The following GOLPH3 variants were observed in gnomAD, a reference collection of about 807,000 sequenced individuals.
GOLPH3 encodes golgi phosphoprotein 3, also known as coat protein GPP34.
In GOLPH3, 14 loss-of-function variants were observed where a neutral mutation model predicts 28.5. The ratio of observed to expected loss-of-function variants is 0.49; its 90% CI spans 0.32 to 0.77. The LOEUF (loss-of-function observed/expected upper bound fraction) is 0.77, where lower values mean the gene tolerates loss of function less well. GOLPH3 is among the 30% of genes least tolerant of loss of function. The pLI is 0.03. For missense variants in GOLPH3, 350 were observed against 393.7 expected, an observed-to-expected ratio of 0.89 and a Z score of 0.94; for synonymous variants, 158 against 159.2, an observed-to-expected ratio of 0.99 and a Z score of 0.06.
chr5:32,169,212 G>A (rs943132086), intron 1 of GOLPH3, among the ~76,000 whole-genome samples: 12 of 151,998 alleles, frequency 7.9e-5, no homozygotes, highest in Non-Finnish European at 1.5e-4. Flanking sequence ...AGCCCAAGAG[G>A]TTGAGGCTGC....
At chr5:32,143,630 T>C (rs567088497) in intron 2 of GOLPH3, 119 bp downstream of exon 2, 24 of 878,350 alleles carry the variant, frequency 2.7e-5, no homozygotes, top group South Asian at 1.7e-4. Flanking sequence ...GGAAATACAA[T>C]TGAAGAAAGA....
At chr5:32,149,382 T>C (rs1313140396) in intron 1 of GOLPH3, among the ~76,000 whole-genome samples, 1 of 152,216 alleles carries the variant, frequency 6.6e-6, no homozygotes, top group Non-Finnish European at 1.5e-5. Context: ...AGGTAATGGC[T>C]AAAGGGGATG....
chr5:32,152,877 G>A (rs916468389), intron 1 of GOLPH3, among the ~76,000 whole-genome samples: 2 of 152,012 alleles, frequency 1.3e-5, no homozygotes, highest in Admixed American at 6.6e-5. Context: ...TAACTATGAT[G>A]GGAATGTCAA....
At chr5:32,158,023 T>TAAAATACAC (rs377527601) in intron 1 of GOLPH3, among the ~76,000 whole-genome samples, 335 of 26,746 alleles carry the variant, frequency 0.013, 34 homozygotes, top group African/African-American at 0.044. Context: ...ATAAATAAAA[T>TAAAATACAC]ACACACACAC....
intron 3 of GOLPH3, among the ~76,000 whole-genome samples, chr5:32,134,013 G>C (rs146026427): frequency 2.4e-4 from 37 of 152,264 alleles, no homozygotes; most frequent in Non-Finnish European, 1.9e-4. Context: ...CTTGCCTTAA[G>C]TGTAAAGTGC....
rs1176766281 is a variant in GOLPH3 at position 32,126,464 on chromosome 5, C to T, written c.645G>A (p.Lys215=). ...TNNNIKQRLI[K]KVQEAVLDKW... is the part of the protein sequence containing the mutation. ...TGTCAAGAACGGCTTCCTGTACTTT[C>T]TTGATGAGGCGCTGCTTAATGTTGT... Residue 215 remains lysine, a synonymous_variant, in exon 4 of 4, where the codon AAG becomes AAA. Transcript: ENST00000265070. The T allele has an allele frequency of 6.2e-7, 1 of 1,614,068 alleles. No homozygotes were observed. The highest frequency in any genetic ancestry group is 1.3e-5 in the African/African-American group (1 of 74,902).
intron 1 of GOLPH3, among the ~76,000 whole-genome samples, chr5:32,147,117 C>T (rs2111862910): frequency 6.6e-6 from 1 of 152,270 alleles, no homozygotes; most frequent in East Asian, 1.9e-4. Flanking sequence ...TGTTCACATC[C>T]TTTGACACAA....
intron 1 of GOLPH3, among the ~76,000 whole-genome samples, chr5:32,166,138 C>G (rs1231697423): frequency 2.0e-5 from 3 of 152,194 alleles, no homozygotes; most frequent in African/African-American, 4.8e-5. Flanking sequence ...AATTTAAGAA[C>G]TTCTCCATTA....
At chr5:32,156,040 A>G (rs1048301760) in intron 1 of GOLPH3, among the ~76,000 whole-genome samples, 1 of 149,816 alleles carries the variant, frequency 6.7e-6, no homozygotes, top group African/African-American at 2.4e-5. Flanking sequence ...TAAGTCATGA[A>G]GGCAGAAGCC....
At chr5:32,172,534 A>C (rs1746861552) in intron 1 of GOLPH3, among the ~76,000 whole-genome samples, 1 of 152,084 alleles carries the variant, frequency 6.6e-6, no homozygotes, top group African/African-American at 2.4e-5. Context: ...GTCTCTACTA[A>C]AGGTATGAAA....
At chr5:32,129,900 G>C (rs1365446325) in intron 3 of GOLPH3, among the ~76,000 whole-genome samples, 1 of 151,794 alleles carries the variant, frequency 6.6e-6, no homozygotes, top group East Asian at 1.9e-4. Flanking sequence ...GGAGTGCGGT[G>C]GTGTGATCAG....
chr5:32,150,917 A>G (rs1746290025), intron 1 of GOLPH3, among the ~76,000 whole-genome samples: 1 of 152,256 alleles, frequency 6.6e-6, no homozygotes, highest in African/African-American at 2.4e-5. Flanking sequence ...TGGGACAACC[A>G]GATAGTCATT....
intron 2 of GOLPH3, among the ~76,000 whole-genome samples, chr5:32,143,311 T>C (rs1048440638): frequency 6.6e-6 from 1 of 151,436 alleles, no homozygotes; most frequent in Non-Finnish European, 1.5e-5. Flanking sequence ...ACACAAACAC[T>C]GCGGAAGGCC....
At chr5:32,144,131 A>G (rs1216598086) in intron 1 of GOLPH3, among the ~76,000 whole-genome samples, 1 of 152,170 alleles carries the variant, frequency 6.6e-6, no homozygotes, top group Non-Finnish European at 1.5e-5. Context: ...TAGAAACATA[A>G]CTCACATTTC....
chr5:32,167,819 T>C (rs561125973), intron 1 of GOLPH3, among the ~76,000 whole-genome samples: 3 of 152,052 alleles, frequency 2.0e-5, no homozygotes, highest in Admixed American at 1.3e-4. Flanking sequence ...CTGGGCATGA[T>C]AGGGTGCGCC....
chr5:32,135,737 T>C (rs1431610624), intron 2 of GOLPH3, 51 bp from the exon 3 acceptor site: 7 of 1,030,554 alleles, frequency 6.8e-6, no homozygotes, highest in East Asian at 2.4e-5. Flanking sequence ...CTTTTCTGAG[T>C]TGATCTCATT....
At chr5:32,166,944 G>A (rs750118725) in intron 1 of GOLPH3, among the ~76,000 whole-genome samples, 1 of 151,398 alleles carries the variant, frequency 6.6e-6, no homozygotes, top group Non-Finnish European at 1.5e-5. Context: ...ATTAATGGCA[G>A]TAGAAAAGTT....
intron 1 of GOLPH3, among the ~76,000 whole-genome samples, chr5:32,158,909 T>C (rs1746513820): frequency 6.6e-6 from 1 of 152,236 alleles, no homozygotes; most frequent in African/African-American, 2.4e-5. Flanking sequence ...TGAGTATCTA[T>C]GCTGTTAAAA....
intron 1 of GOLPH3, 110 bp from the exon 2 acceptor site, chr5:32,143,990 CCTGT>C (rs1746139649): frequency 1.6e-6 from 1 of 631,210 alleles, no homozygotes. Context: ...TTTTACCTTT[CCTGT>C]CTTTCTATAA....
Sources: gnomAD v4.1 joint callset for allele counts (sites outside exome capture counted in the v4.1 genomes callset) on GRCh38, gnomAD v4.1.1 for gene constraint, MANE v1.5 for transcripts, NCBI Gene and HGNC (gene_info 2026-07-23, HGNC 2026-07-21) for gene names.